The following CDHR4 variants were observed in gnomAD, a reference collection of about 807,000 sequenced individuals.
CDHR4 encodes cadherin related family member 4.
In CDHR4, 89 loss-of-function variants were observed where a neutral mutation model predicts 88.4. That is an observed-to-expected ratio of 1.01 (90% CI 0.85 to 1.20). The LOEUF is 1.20. Among genes scored for constraint, CDHR4 ranks in the 50% most tolerant of loss-of-function variants. CDHR4 has a pLI of 0.00. For missense variants in CDHR4, 914 were observed against 1,007.2 expected (o/e 0.91, Z 1.25); for synonymous variants, 368 against 399.2 (o/e 0.92, Z 0.93).
At chr3:49,791,362 G>T in intron 18 of CDHR4, 79 bp downstream of exon 18, 1 of 1,436,948 alleles carries the variant, frequency 7.0e-7, no homozygotes, top group Non-Finnish European at 9.3e-7. Context: ...GAGATATTGA[G>T]ATGGGGTAAA....
Position 49,790,888 on chromosome 3 carries a change from C to T in CDHR4, c.2312-1G>A. The T allele has an allele frequency of 6.4e-7, 1 of 1,550,746 alleles. No individual in the cohort carries two copies. Among genetic ancestry groups the T allele is most frequent in the Non-Finnish European group, 8.7e-7 (1 of 1,146,438 alleles). Reference sequence around the variant, plus strand: ...TTAAACAGGTAGTCTCTTCCGGTACCTAAAACCGGTAGGAGAGAGAGGAGA... The same window carrying T: ...TTAAACAGGTAGTCTCTTCCGGTACTTAAAACCGGTAGGAGAGAGAGGAGA... On this transcript the variant is annotated splice_acceptor_variant, in intron 18 of 18. Transcript: ENST00000412678. LOFTEE classifies it high-confidence loss of function.
At chr3:49,794,540 C>T in intron 10 of CDHR4, 68 bp downstream of exon 10, 1 of 1,292,380 alleles carries the variant, frequency 7.7e-7, no homozygotes, top group Non-Finnish European at 1.1e-6. Flanking sequence ...TGACCCTGTC[C>T]TGAGCATGGG....
intron 4 of CDHR4, among the ~76,000 whole-genome samples, chr3:49,797,341 C>A (rs936209039): frequency 6.6e-6 from 1 of 151,376 alleles, no homozygotes. Context: ...TGCAGTGGTG[C>A]GATCTCAGCT....
rs1193491399 is a variant in CDHR4 at position 49,791,461 on chromosome 3, T to C, written c.2291A>G (p.Asp764Gly). Reference protein sequence around the residue: ...APSSVMSLHFDGRAQDSRTGR... With the variant: ...APSSVMSLHFGGRAQDSRTGR... ...CTCACGGGAGTCCTGTGCTCTGCCA[T>C]CAAAATGCTGCTGAGGGAAAAAAAA... Residue 764 changes from aspartate to glycine, a missense_variant, in exon 18 of 19, where the codon GAT (aspartate) becomes GGT (glycine). By Grantham distance (94) the Asp-to-Gly change is moderately conservative (BLOSUM62 -1). Transcript: ENST00000412678. 1.3e-6 allele frequency: 2 copies of C among 1,545,104 alleles called. No homozygotes were observed. Among genetic ancestry groups the C allele is most frequent in the Non-Finnish European group, 1.7e-6 (2 of 1,145,284 alleles).
Position 49,792,536 on chromosome 3 carries a change from C to T in CDHR4, c.2070G>A (p.Val690=). ...AFWQPQPWFV[V]VLTATGALLL... is the part of the protein sequence containing the mutation. ...GAAGAGCACCAGTTGCTGTCAACAC[C>T]ACCACAAACCAGGGCTGTGGCTGCC... Residue 690 remains valine (V), a synonymous_variant, in exon 15 of 19, where the codon GTG becomes GTA. Transcript: ENST00000412678. 1 of 1,551,728 alleles carries T rather than the reference C, an allele frequency of 6.4e-7. No homozygotes were observed. Among genetic ancestry groups the T allele is most frequent in the Non-Finnish European group, 8.7e-7 (1 of 1,146,998 alleles).
intron 13 of CDHR4, 34 bp downstream of exon 13, chr3:49,793,126 CT>C: frequency 6.4e-7 from 1 of 1,550,894 alleles, no homozygotes; most frequent in Non-Finnish European, 8.7e-7. Flanking sequence ...TGGCCTGCCC[CT>C]CACTCACAAC....
In CDHR4 at chr3:49,796,050, T is replaced by G; in HGVS notation, c.607-4A>C. The G allele has an allele frequency of 6.6e-7, 1 of 1,513,604 alleles. No individual in the cohort carries two copies. The highest frequency in any genetic ancestry group is 8.8e-7 in the Non-Finnish European group (1 of 1,131,316). 93.8% of individuals were successfully genotyped at this position (1,513,604 alleles called of 1,614,324 possible). A position where few individuals can be genotyped will look rare whatever the true frequency, so the allele number is the denominator to read the frequency against. On this transcript the variant is annotated splice_polypyrimidine_tract_variant and splice_region_variant and intron_variant, in intron 5 of 18. Coordinates refer to ENST00000412678, the MANE Select transcript of CDHR4 (RefSeq NM_001007540.4). Reference sequence around the variant, plus strand: ...CTGAGATTTGCAGCTGGAAGACCTGTGGTGCACCCAGAACAGAAAAGGAGC... The same window carrying G: ...CTGAGATTTGCAGCTGGAAGACCTGGGGTGCACCCAGAACAGAAAAGGAGC...
intron 17 of CDHR4, 64 bp from the exon 18 acceptor site, chr3:49,791,532 G>A: frequency 1.3e-6 from 2 of 1,532,612 alleles, no homozygotes; most frequent in Non-Finnish European, 1.8e-6. Context: ...AGCAGATGAA[G>A]GCCTGCCCCT....
chr3:49,799,119 A>T lies in CDHR4; in HGVS notation c.278T>A (p.Met93Lys). The T allele has an allele frequency of 6.4e-7, 1 of 1,574,564 alleles. No individual in the cohort carries two copies. The highest frequency in any genetic ancestry group is 8.6e-7 in the Non-Finnish European group (1 of 1,159,730). Residue 93 changes from methionine (M) to lysine (K), a missense_variant, in exon 3 of 19, where the codon ATG becomes AAG. By Grantham distance (95) the Met-to-Lys change is moderately conservative. Coordinates refer to ENST00000412678, the MANE Select transcript of CDHR4 (RefSeq NM_001007540.4). The stretch of plus-strand genomic sequence containing the variant: ...CAGCTGCACCTTGTAGTGGTTCACC[A>T]TCAGGGCATCCAACTGAGCAGAGCT... ...LSSSAQLDAL[M>K]VNHYKVQLKF...
chr3:49,798,756 G>A (rs1475162871), intron 4 of CDHR4, 70 bp downstream of exon 4: 10 of 1,460,112 alleles, frequency 6.8e-6, no homozygotes, highest in Non-Finnish European at 9.4e-6. Context: ...CTGGCCAGGT[G>A]GGGGTTAATT....
In CDHR4 at chr3:49,790,895, C is replaced by T. The variant is rs932210922; in HGVS notation, c.2312-8G>A. The T allele has an allele frequency of 4.5e-6, 7 of 1,550,366 alleles. No homozygotes were observed. The highest frequency in any genetic ancestry group is 1.4e-5 in the African/African-American group (1 of 72,972). The stretch of plus-strand genomic sequence containing the variant: ...GGTAGTCTCTTCCGGTACCTAAAAC[C>T]GGTAGGAGAGAGAGGAGAGCAGGGG... On this transcript the variant is annotated splice_region_variant and splice_polypyrimidine_tract_variant and intron_variant, in intron 18 of 18. Transcript: ENST00000412678.
At chr3:49,791,845 C>G in intron 16 of CDHR4, 44 bp from the exon 17 acceptor site, 2 of 1,551,462 alleles carry the variant, frequency 1.3e-6, no homozygotes, top group African/African-American at 2.7e-5. Context: ...GGCTCTGGGC[C>G]CTAACCTGAG....
Position 49,791,885 on chromosome 3 carries a change from T to C in CDHR4, c.2195+18A>G. The stretch of plus-strand genomic sequence containing the variant: ...AGAGATGGGATCCCAGGCATAGAAG[T>C]ATGCAAAGGAGACTGACCTGTTTAG... On this transcript the variant is annotated intron_variant, in intron 16 of 18. Coordinates refer to ENST00000412678, the MANE Select transcript of CDHR4 (RefSeq NM_001007540.4). The C allele has an allele frequency of 6.4e-7, 1 of 1,551,600 alleles. No individual in the cohort carries two copies. Among genetic ancestry groups the C allele is most frequent in the Non-Finnish European group, 8.7e-7 (1 of 1,146,948 alleles).
rs892137727 is a variant in CDHR4 at position 49,795,275 on chromosome 3, C to G, written c.952G>C (p.Ala318Pro). The change falls in exon 8 of 19, where the codon GCC (alanine) becomes CCC (proline). Residue 318 changes from alanine to proline, a missense_variant. Ala to Pro is a conservative substitution (Grantham distance 27, BLOSUM62 -1). Coordinates refer to ENST00000412678, the MANE Select transcript of CDHR4 (RefSeq NM_001007540.4). This position sits in a 1 kb window ranked among gnomAD's most constrained non-coding sequence, Gnocchi z 5.4. ...ATGGTGAGATTGAGCTTGGCACTGG[C>G]CCACAGCTGGCCCTGCTCAAAGGCC... Reference protein sequence around the residue: ...VKAFEQGQLWASAKLNLTMNV... With the variant: ...VKAFEQGQLWPSAKLNLTMNV... The G allele has an allele frequency of 6.4e-7, 1 of 1,551,656 alleles. No homozygotes were observed. Among genetic ancestry groups the G allele is most frequent in the South Asian group, 1.2e-5 (1 of 84,060 alleles).
intron 5 of CDHR4, 72 bp downstream of exon 5, chr3:49,796,850 A>G (rs770819136): frequency 3.8e-4 from 473 of 1,259,358 alleles, no homozygotes; most frequent in Non-Finnish European, 4.9e-4. Context: ...GGAGGCCAAG[A>G]ATAAACAAAT....
rs972786149 is a variant in CDHR4, at chr3:49,793,616, G to A, written c.1590C>T (p.Leu530=). The A allele has an allele frequency of 6.4e-7, 1 of 1,551,682 alleles. No homozygotes were observed. The highest frequency in any genetic ancestry group is 1.4e-5 in the African/African-American group (1 of 73,072). ...HGQDQNPNHH[L]SGSCTITIEV... is the part of the protein sequence containing the mutation. ...CGATGGTAATGGTACAGGAGCCTGA[G>A]AGGTGATGGTTGGGGTTCTGGTCTT... Residue 530 remains leucine, a synonymous_variant, in exon 12 of 19, where the codon CTC becomes CTT. Transcript: ENST00000412678.
At chr3:49,790,949 C>T (rs2081169183) in intron 18 of CDHR4, 62 bp from the exon 19 acceptor site, 6 of 1,322,926 alleles carry the variant, frequency 4.5e-6, no homozygotes, top group Admixed American at 2.3e-5. Flanking sequence ...GAACTGCCTC[C>T]CTCCCCCTTA....
chr3:49,802,557 C>T (rs564057769), upstream of CDHR4, among the ~76,000 whole-genome samples: 4 of 152,338 alleles, frequency 2.6e-5, no homozygotes, highest in East Asian at 5.8e-4. Flanking sequence ...GCCCTCATTC[C>T]CTGGTATTTT....
rs1011383274 is a variant in CDHR4 at position 49,795,563 on chromosome 3, G to T, written c.847+65C>A. On this transcript the variant is annotated intron_variant, in intron 7 of 18. Coordinates refer to ENST00000412678, the MANE Select transcript of CDHR4 (RefSeq NM_001007540.4). This position sits in a 1 kb window ranked among gnomAD's most constrained non-coding sequence, Gnocchi z 5.4. ...AAACAGGAAGGTGAAGAGGTACTAT[G>T]GGTCACCTCTGGACCAGCCACAGAG... The T allele has an allele frequency of 1.3e-6, 2 of 1,539,786 alleles. No individual in the cohort carries two copies. The highest frequency in any genetic ancestry group is 1.8e-6 in the Non-Finnish European group (2 of 1,139,258).
Sources: allele counts gnomAD v4.1 joint callset (sites outside exome capture counted in the v4.1 genomes callset), GRCh38; gene constraint gnomAD v4.1.1; non-coding constraint Gnocchi (gnomAD v3.1); transcripts MANE v1.5; gene names NCBI Gene and HGNC (gene_info 2026-07-23, HGNC 2026-07-21).